Variants in APBA2 observed in about 807,000 individuals in gnomAD.
APBA2 encodes amyloid beta precursor protein binding family A member 2.
In APBA2, 30 loss-of-function variants were observed where a neutral mutation model predicts 75.0. That is an observed-to-expected ratio of 0.40 (90% CI 0.30 to 0.54). The LOEUF (loss-of-function observed/expected upper bound fraction) is 0.54. APBA2 is among the 20% of genes least tolerant of loss of function. The probability of loss-of-function intolerance (pLI) is 0.49; values close to 1 mark genes in which losing one functional copy is unlikely to be tolerated. For synonymous variants in APBA2, 444 were observed against 409.6 expected (o/e 1.08, Z -1.01); for missense variants, 801 against 1,016.1 (o/e 0.79, Z 2.88).
chr15:28,912,095 C>T (rs1392190584), intron 1 of APBA2, among the ~76,000 whole-genome samples: 3 of 152,012 alleles, frequency 2.0e-5, no homozygotes, highest in South Asian at 2.1e-4. Context: ...TAATAGCATA[C>T]GTGCTTGAGA....
chr15:29,049,723 G>A (rs1035791588), intron 3 of APBA2, among the ~76,000 whole-genome samples: 3 of 152,190 alleles, frequency 2.0e-5, no homozygotes, highest in African/African-American at 7.2e-5. Flanking sequence ...ACATGCACTG[G>A]TGTCTCAGGG....
At chr15:29,083,987 A>T (rs1049482018) in intron 6 of APBA2, among the ~76,000 whole-genome samples, 1 of 152,212 alleles carries the variant, frequency 6.6e-6, no homozygotes, top group Admixed American at 6.5e-5. Context: ...AAGTTTTTTC[A>T]TAAAAATTCA....
intron 3 of APBA2, among the ~76,000 whole-genome samples, chr15:29,026,154 C>A (rs1218973309): frequency 6.6e-6 from 1 of 152,100 alleles, no homozygotes; most frequent in African/African-American, 2.4e-5. Flanking sequence ...AACTCAGGGC[C>A]TCAATGCCCT....
In APBA2 at chr15:29,083,941, T is replaced by A. The variant is rs561306000; in HGVS notation, c.1069+7850T>A. The stretch of plus-strand genomic sequence containing the variant: ...CTTTCTAGCCAACAAAGGATTTATC[T>A]GTCCACTTGTTCAAGCTCATTTATC... On this transcript the variant is annotated intron_variant, in intron 6 of 14. Coordinates refer to ENST00000683413, the MANE Select transcript of APBA2 (RefSeq NM_001353788.2). 2.0e-5 allele frequency among the ~76,000 whole-genome samples: 3 copies of A among 152,370 alleles called. No individual in the cohort carries two copies. In the East Asian group the frequency reaches 5.8e-4, roughly 29 times the overall value.
At chr15:28,937,345 G>T (rs1486819886) in intron 2 of APBA2, among the ~76,000 whole-genome samples, 2 of 152,184 alleles carry the variant, frequency 1.3e-5, no homozygotes, top group African/African-American at 4.8e-5. Flanking sequence ...TCACATTCAG[G>T]TGTGCCATCT....
chr15:28,892,348 T>A (rs2032189989), intron 1 of APBA2, among the ~76,000 whole-genome samples: 1 of 152,192 alleles, frequency 6.6e-6, no homozygotes, highest in Admixed American at 6.5e-5. Flanking sequence ...GTGCTGGGAT[T>A]ACAGGCGTGA....
rs2044087480 is a variant in APBA2, at chr15:29,100,891, G to GTT, written c.1339-707_1339-706dup. Among the ~76,000 whole-genome samples, 5 of 152,218 alleles carry GTT rather than the reference G, an allele frequency of 3.3e-5. No homozygotes were observed. In the South Asian group the frequency reaches 1.0e-3, roughly 32 times the overall value. ...CTCACCTGACATCACGCCTCCCTGG[G>GTT]TTCTGCACAGTCCATTTTGGAAGCT... On this transcript the variant is annotated intron_variant, in intron 9 of 14. Transcript: ENST00000683413.
chr15:29,107,539 G>A (rs1260687815), intron 12 of APBA2, among the ~76,000 whole-genome samples: 1 of 152,158 alleles, frequency 6.6e-6, no homozygotes, highest in Non-Finnish European at 1.5e-5. Flanking sequence ...AGAGATGAAG[G>A]GCATTCCCCA....
At chr15:29,035,009 G>A (rs527399560) in intron 3 of APBA2, among the ~76,000 whole-genome samples, 12 of 152,326 alleles carry the variant, frequency 7.9e-5, no homozygotes, top group South Asian at 2.1e-4. Flanking sequence ...ACAGGCTCCC[G>A]GGGAGGTCCT....
At chr15:28,961,784 T>C (rs2036486641) in intron 2 of APBA2, among the ~76,000 whole-genome samples, 1 of 152,184 alleles carries the variant, frequency 6.6e-6, no homozygotes, top group Non-Finnish European at 1.5e-5. Context: ...GTGCCTGGGC[T>C]CCACTCCTGG....
At chr15:28,894,441 CA>C (rs1202445897) in intron 1 of APBA2, among the ~76,000 whole-genome samples, 1 of 152,254 alleles carries the variant, frequency 6.6e-6, no homozygotes, top group East Asian at 1.9e-4. Context: ...CACAGTCTGG[CA>C]GATGTGAGAG....
At chr15:28,973,311 TG>T (rs2037168267) in intron 2 of APBA2, among the ~76,000 whole-genome samples, 1 of 152,226 alleles carries the variant, frequency 6.6e-6, no homozygotes, top group Non-Finnish European at 1.5e-5. Context: ...ATGATGAGAT[TG>T]GATATTTTTG....
At chr15:29,116,324 T>C (rs988132505) in intron 14 of APBA2, among the ~76,000 whole-genome samples, 3 of 152,022 alleles carry the variant, frequency 2.0e-5, no homozygotes, top group Non-Finnish European at 4.4e-5. Context: ...GGCCCGTGTG[T>C]GTTTTGTAAG....
At position 29,054,426 on chromosome 15, in the gene APBA2, A is replaced by G. The variant is rs997532533; in HGVS notation, c.542A>G (p.Glu181Gly). The G allele has an allele frequency of 3.7e-6, 6 of 1,613,994 alleles. No homozygotes were observed. In the Admixed American group the frequency reaches 6.7e-5, roughly 18 times the overall value. ...EPSVLEAHDQ[E>G]EDGHYCASKE... ...TCCGTCCTTGAGGCCCATGACCAGG[A>G]AGAAGATGGTCACTACTGTGCCAGC... Residue 181 changes from glutamate to glycine, a missense_variant, in exon 4 of 15, where the codon GAA (glutamate) becomes GGA (glycine). Physicochemically the swap from Glu to Gly is moderately conservative, Grantham distance 98. This residue lies in a region of APBA2 where 434 missense variants were observed against 471.6 expected (regional missense o/e 0.92). Transcript: ENST00000683413. This position sits in a 1 kb window ranked among gnomAD's most constrained non-coding sequence, Gnocchi z 6.1.
chr15:29,046,455 AG>A lies in APBA2; in HGVS notation c.-40-7386del, dbSNP rs2041337062. 1.3e-5 allele frequency among the ~76,000 whole-genome samples: 2 copies of A among 152,164 alleles called. No individual in the cohort carries two copies. Among genetic ancestry groups the A allele is most frequent in the South Asian group, 4.1e-4 (2 of 4,826 alleles). Reference sequence around the variant, plus strand: ...GTCCTTGCTCTCCACCCCCTGGAGTAGGGGAAGAAGGCTTGGAATGTGGTGG... The same window carrying A: ...GTCCTTGCTCTCCACCCCCTGGAGTAGGGAAGAAGGCTTGGAATGTGGTGG... On this transcript the variant is annotated intron_variant, in intron 3 of 14. Transcript: ENST00000683413. This position sits in a 1 kb window ranked among gnomAD's most constrained non-coding sequence, Gnocchi z 5.0.
intron 14 of APBA2, among the ~76,000 whole-genome samples, chr15:29,115,541 G>C (rs1226577940): frequency 6.6e-6 from 1 of 152,188 alleles, no homozygotes; most frequent in Non-Finnish European, 1.5e-5. Flanking sequence ...AAATCCACCC[G>C]TGGAGGAGCG....
At chr15:29,099,204 C>A (rs1191972696) in intron 9 of APBA2, among the ~76,000 whole-genome samples, 3 of 152,138 alleles carry the variant, frequency 2.0e-5, no homozygotes, top group Non-Finnish European at 4.4e-5. Context: ...GGACTAGATC[C>A]CCCCACCAAC....
At chr15:29,013,961 G>A (rs2039530802) in intron 3 of APBA2, among the ~76,000 whole-genome samples, 1 of 152,202 alleles carries the variant, frequency 6.6e-6, no homozygotes, top group Admixed American at 6.5e-5. Context: ...CTTTGTGTAT[G>A]CTTTTGCTAA....
chr15:29,111,019 T>G (rs2044699158), intron 13 of APBA2, among the ~76,000 whole-genome samples: 2 of 151,944 alleles, frequency 1.3e-5, no homozygotes, highest in Non-Finnish European at 2.9e-5. Context: ...GGAAGGGGGT[T>G]TCTCAGAAGA....
Sources: allele counts gnomAD v4.1 joint callset (sites outside exome capture counted in the v4.1 genomes callset), GRCh38; gene constraint gnomAD v4.1.1; regional missense constraint gnomAD v4.1.1; non-coding constraint Gnocchi (gnomAD v3.1); transcripts MANE v1.5; gene names NCBI Gene and HGNC (gene_info 2026-07-23, HGNC 2026-07-21).